SLC24A2: variants seen among roughly 807,000 people sequenced by gnomAD.
SLC24A2 encodes solute carrier family 24 member 2, also known as sodium/potassium/calcium exchanger 2.
In SLC24A2, 36 loss-of-function variants were observed where a neutral mutation model predicts 62.0. That is an observed-to-expected ratio of 0.58 (90% confidence interval 0.44 to 0.77). SLC24A2 has a LOEUF of 0.77. Among genes scored for constraint, SLC24A2 ranks in the 30% least tolerant of loss-of-function variants. SLC24A2 has a pLI of 0.00. For synonymous variants in SLC24A2, 358 were observed against 294.0 expected, an observed-to-expected ratio of 1.22 and a Z score of -2.23; for missense variants, 846 against 817.9, an observed-to-expected ratio of 1.03 and a Z score of -0.42.
chr9:20,231,292 G>A, the SLC24A2 span, among the ~76,000 whole-genome samples: 2 of 152,174 alleles, frequency 1.3e-5, no homozygotes, highest in Non-Finnish European at 2.9e-5. Flanking sequence ...TAGCTTGATG[G>A]GGATGGCACT....
At chr9:20,277,844 C>T in the SLC24A2 span, among the ~76,000 whole-genome samples, 1 of 152,172 alleles carries the variant, frequency 6.6e-6, no homozygotes, top group African/African-American at 2.4e-5. Context: ...CCCGAATGTC[C>T]ATCAATGATA....
chr9:20,108,607 C>G, the SLC24A2 span, among the ~76,000 whole-genome samples: 1 of 150,884 alleles, frequency 6.6e-6, no homozygotes, highest in Non-Finnish European at 1.5e-5. Context: ...AACAAAAAAC[C>G]AAACACTGCA....
chr9:20,235,303 G>A, the SLC24A2 span, among the ~76,000 whole-genome samples: 1 of 152,224 alleles, frequency 6.6e-6, no homozygotes, highest in Non-Finnish European at 1.5e-5. Flanking sequence ...CTTTTTGTTT[G>A]TCTGTGCCCT....
chr9:19,856,823 G>A, the SLC24A2 span, among the ~76,000 whole-genome samples: 6 of 152,164 alleles, frequency 3.9e-5, no homozygotes, highest in East Asian at 5.8e-4. Flanking sequence ...ATGGTGGATC[G>A]GTTGCGCTGC....
chr9:19,722,570 G>A (rs888445346), intron 2 of SLC24A2, among the ~76,000 whole-genome samples: 5 of 151,640 alleles, frequency 3.3e-5, no homozygotes, highest in Admixed American at 1.3e-4. Flanking sequence ...GGTATTTATC[G>A]AAAAGAACCA....
the SLC24A2 span, among the ~76,000 whole-genome samples, chr9:20,292,060 G>A: frequency 2.6e-5 from 4 of 152,202 alleles, no homozygotes; most frequent in African/African-American, 7.2e-5. Context: ...GCCTGCACTG[G>A]ACTCCTGGAT....
At chr9:19,545,510 T>G (rs1158939077) in intron 8 of SLC24A2, among the ~76,000 whole-genome samples, 1 of 152,096 alleles carries the variant, frequency 6.6e-6, no homozygotes, top group East Asian at 1.9e-4. Context: ...GGTGTTCAGG[T>G]TTTTGGAATT....
Position 19,622,252 on chromosome 9 carries a change from G to T in SLC24A2, c.969+9C>A, listed in dbSNP as rs376464694. The T allele has an allele frequency of 3.1e-6, 5 of 1,612,658 alleles. No individual in the cohort carries two copies. Among genetic ancestry groups the T allele is most frequent in the African/African-American group, 1.3e-5 (1 of 74,876 alleles). On this transcript the variant is annotated intron_variant, in intron 3 of 10. Coordinates refer to ENST00000341998, the MANE Select transcript of SLC24A2 (RefSeq NM_020344.4). ...ACAAACAGGTACAGACAAAGCCACT[G>T]CTTCCTACCGGTAGAGTTGGTTCAT...
chr9:19,741,392 G>C (rs1393568198), intron 2 of SLC24A2, among the ~76,000 whole-genome samples: 1 of 152,052 alleles, frequency 6.6e-6, no homozygotes, highest in Non-Finnish European at 1.5e-5. Flanking sequence ...TTTGGGATTC[G>C]TCCCAGAGGT....
chr9:20,045,866 G>A, the SLC24A2 span, among the ~76,000 whole-genome samples: 13 of 152,258 alleles, frequency 8.5e-5, no homozygotes, highest in African/African-American at 2.6e-4. Flanking sequence ...GGTGTGAGCG[G>A]TCAAGTGTCT....
rs545636711 is a variant in SLC24A2 at position 19,596,399 on chromosome 9, A to G, written c.1129+830T>C. On this transcript the variant is annotated intron_variant, in intron 5 of 10. Transcript: ENST00000341998. ...GTTTTTCATAACTTACAAATATTAT[A>G]TATTTTTAAAAAGTCGCAGTATGTA... Among the ~76,000 whole-genome samples the G allele has an allele frequency of 1.3e-3, 199 of 152,336 alleles. 4 individuals are homozygous for G. Among genetic ancestry groups the G allele is most frequent in the South Asian group, 4.6e-3 (22 of 4,828 alleles).
chr9:20,009,370 C>A, the SLC24A2 span, among the ~76,000 whole-genome samples: 5 of 142,588 alleles, frequency 3.5e-5, no homozygotes, highest in Non-Finnish European at 6.0e-5. Flanking sequence ...GGGTGACAGA[C>A]TGAACTCTGT....
At chr9:19,951,403 C>T in the SLC24A2 span, among the ~76,000 whole-genome samples, 10 of 151,966 alleles carry the variant, frequency 6.6e-5, no homozygotes, top group African/African-American at 2.2e-4. Context: ...AGTGTTCGTA[C>T]GTATATATGT....
chr9:19,831,304 CA>C, the SLC24A2 span, among the ~76,000 whole-genome samples: 1 of 152,176 alleles, frequency 6.6e-6, no homozygotes, highest in East Asian at 1.9e-4. Context: ...AGTGCCCATT[CA>C]AGACCTTCTT....
chr9:19,636,047 C>T (rs955974285), intron 2 of SLC24A2, among the ~76,000 whole-genome samples: 4 of 152,290 alleles, frequency 2.6e-5, no homozygotes, highest in African/African-American at 9.6e-5. Flanking sequence ...TACAAAGTAT[C>T]TGTTTTATTT....
At chr9:20,039,290 G>C in the SLC24A2 span, among the ~76,000 whole-genome samples, 9 of 152,218 alleles carry the variant, frequency 5.9e-5, no homozygotes, top group East Asian at 1.8e-3. Flanking sequence ...CCCTGGGCCT[G>C]TCCTGGTGTA....
the SLC24A2 span, among the ~76,000 whole-genome samples, chr9:19,996,647 G>A: frequency 3.9e-3 from 585 of 151,548 alleles, 4 homozygotes; most frequent in African/African-American, 0.014. Flanking sequence ...GAGGTTGAGG[G>A]AGGAGAATCG....
chr9:19,817,299 G>T, the SLC24A2 span, among the ~76,000 whole-genome samples: 1 of 151,612 alleles, frequency 6.6e-6, no homozygotes, highest in Admixed American at 6.6e-5. Flanking sequence ...ATTTTATCCT[G>T]CCCATTTCAT....
At chr9:19,934,804 C>G in the SLC24A2 span, among the ~76,000 whole-genome samples, 3 of 152,008 alleles carry the variant, frequency 2.0e-5, no homozygotes, top group African/African-American at 7.3e-5. The surrounding 1 kb of genome is among the most constrained non-coding windows in gnomAD (Gnocchi z 4.1). Flanking sequence ...CGGGGCGTGG[C>G]GGGGAGGGCA....
Sources: allele counts gnomAD v4.1 joint callset (sites outside exome capture counted in the v4.1 genomes callset), GRCh38; gene constraint gnomAD v4.1.1; non-coding constraint Gnocchi (gnomAD v3.1); transcripts MANE v1.5; gene names NCBI Gene and HGNC (gene_info 2026-07-23, HGNC 2026-07-21).